The following DPEP2 variants were observed in gnomAD, a reference collection of about 807,000 sequenced individuals.
DPEP2 encodes the protein dipeptidase 2.
DPEP2 carries 45 observed loss-of-function variants against 51.8 expected under a neutral mutation model. The ratio of observed to expected loss-of-function variants is 0.87; its 90% CI spans 0.68 to 1.11. The LOEUF is 1.11. DPEP2 is among the 50% of genes most tolerant of loss of function. The pLI, the probability that DPEP2 is intolerant of heterozygous loss-of-function variation, is 0.00. For missense variants in DPEP2, 604 were observed against 631.9 expected (o/e 0.96, Z 0.47); for synonymous variants, 255 against 262.7 (o/e 0.97, Z 0.28).
At position 67,991,189 on chromosome 16, in the gene DPEP2, AG is replaced by A; in HGVS notation, c.663-6del. 6.2e-7 allele frequency: 1 copy of A among 1,612,562 alleles called. No homozygotes were observed. On this transcript the variant is annotated splice_region_variant and splice_polypyrimidine_tract_variant and intron_variant, in intron 5 of 10. Transcript: ENST00000393847. This position sits in a 1 kb window ranked among gnomAD's most constrained non-coding sequence, Gnocchi z 5.1. The stretch of plus-strand genomic sequence containing the variant: ...CCCTTAGCGGAGCTCTCTGCCCTGC[AG>A]GGTGGCCAGGAAGCAGTCTGACTGG...
At chr16:67,996,193 C>T (rs1034797753) in intron 1 of DPEP2, among the ~76,000 whole-genome samples, 1 of 148,180 alleles carries the variant, frequency 6.7e-6, no homozygotes, top group Non-Finnish European at 1.5e-5. Context: ...CTCGCCACCA[C>T]ACTCGGCTAT....
chr16:67,988,108 G>A lies in DPEP2; in HGVS notation c.1071-121C>T, dbSNP rs1334581155. The A allele has an allele frequency of 4.7e-6, 6 of 1,286,380 alleles. 1 individual carries two copies. The highest frequency in any genetic ancestry group is 2.3e-5 in the Admixed American group (1 of 43,938). The allele number at this position is 1,286,380 out of a possible 1,614,324, so 79.7% of individuals were successfully genotyped here. ...TATGGGAAGTGGAGACTTGGAGAGA[G>A]TAGGTAATTCTCCTCTGCTCTTTAT... On this transcript the variant is annotated intron_variant, in intron 9 of 10. Coordinates refer to ENST00000393847, the MANE Select transcript of DPEP2 (RefSeq NM_022355.4).
chr16:67,993,281 G>T, intron 1 of DPEP2, 24 bp from the exon 2 acceptor site: 1 of 1,378,622 alleles, frequency 7.3e-7, no homozygotes, highest in South Asian at 1.6e-5. Context: ...GCGAGGGGCA[G>T]AGCGCGACGA....
At position 67,991,434 on chromosome 16, in the gene DPEP2, G is replaced by A. The variant is rs2032145461; in HGVS notation, c.663-250C>T. 6.8e-6 allele frequency among the ~76,000 whole-genome samples: 1 copy of A among 146,382 alleles called. No homozygotes were observed. The highest frequency in any genetic ancestry group is 2.1e-4 in the South Asian group (1 of 4,706). ...ACCCAGGCAGGAGTGCAGTGGTGCT[G>A]TCGTGCCATCTCAGCTCACTGAAAC... On this transcript the variant is annotated intron_variant, in intron 5 of 10. Coordinates refer to ENST00000393847, the MANE Select transcript of DPEP2 (RefSeq NM_022355.4). This position sits in a 1 kb window ranked among gnomAD's most constrained non-coding sequence, Gnocchi z 5.1.
Position 67,999,446 on chromosome 16 carries a change from C to G in DPEP2, c.-117G>C. Reference sequence around the variant, plus strand: ...GAACTCAGTGAGACCAAGAACCCACCAATTCCGGACACACTAAGACAAGAT... The same window carrying G: ...GAACTCAGTGAGACCAAGAACCCACGAATTCCGGACACACTAAGACAAGAT... On this transcript the variant is annotated 5_prime_UTR_variant, in exon 1 of 11. Transcript: ENST00000393847. 3 of 990,624 alleles carry G rather than the reference C, an allele frequency of 3.0e-6. No homozygotes were observed. Among genetic ancestry groups the G allele is most frequent in the Non-Finnish European group, 3.6e-6 (3 of 833,990 alleles). The allele number at this position is 990,624 out of a possible 1,614,324, so 61.4% of individuals were successfully genotyped here.
Position 67,987,498 on chromosome 16 carries a change from C to G in DPEP2, c.*8G>C. The G allele has an allele frequency of 6.2e-7, 1 of 1,603,770 alleles. No individual in the cohort carries two copies. ...CTACAGTGACATCTGGCAGGACTAACTGGGTCATCAGAGCCACAGAATAAG... is the reference window on the plus strand; with the variant it reads ...CTACAGTGACATCTGGCAGGACTAAGTGGGTCATCAGAGCCACAGAATAAG... On this transcript the variant is annotated 3_prime_UTR_variant, in exon 11 of 11. Coordinates refer to ENST00000393847, the MANE Select transcript of DPEP2 (RefSeq NM_022355.4).
Position 67,991,453 on chromosome 16 carries a change from C to G in DPEP2, c.663-269G>C, listed in dbSNP as rs73596357. Among the ~76,000 whole-genome samples, 11 of 151,456 alleles carry G rather than the reference C, an allele frequency of 7.3e-5. No homozygotes were observed. The highest frequency in any genetic ancestry group is 5.9e-4 in the Admixed American group (9 of 15,148). Reference sequence around the variant, plus strand: ...GGTGCTGTCGTGCCATCTCAGCTCACTGAAACCTGCACCTCCTGGGTTCAA... The same window carrying G: ...GGTGCTGTCGTGCCATCTCAGCTCAGTGAAACCTGCACCTCCTGGGTTCAA... On this transcript the variant is annotated intron_variant, in intron 5 of 10. Transcript: ENST00000393847. The surrounding 1 kb of genome is among the most constrained non-coding windows in gnomAD (Gnocchi z 5.1).
rs1186601015 is a variant in DPEP2, at chr16:67,991,872, A to G, written c.628T>C (p.Tyr210His). The G allele has an allele frequency of 6.2e-7, 1 of 1,614,158 alleles. No individual in the cohort carries two copies. The highest frequency in any genetic ancestry group is 1.7e-5 in the Admixed American group (1 of 60,014). Residue 210 changes from tyrosine to histidine, a missense_variant, in exon 5 of 11, where the codon TAC becomes CAC. Tyr to His is a moderately conservative substitution (Grantham distance 83, BLOSUM62 2). Coordinates refer to ENST00000393847, the MANE Select transcript of DPEP2 (RefSeq NM_022355.4). The surrounding 1 kb of genome is among the most constrained non-coding windows in gnomAD (Gnocchi z 5.1). The part of the protein sequence containing the change: ...LRTFYMLGVR[Y>H]LTLTHTCNTP... ...TTGCAGGTGTGGGTGAGCGTCAGGT[A>G]GCGCACTCCCAGCATGTAGAAGGTA...
rs1390789344 is a variant in DPEP2 at position 67,990,885 on chromosome 16, T to A, written c.845A>T (p.His282Leu). 1 of 1,614,014 alleles carries A rather than the reference T, an allele frequency of 6.2e-7. No individual in the cohort carries two copies. The highest frequency in any genetic ancestry group is 8.5e-7 in the Non-Finnish European group (1 of 1,180,002). ...GTTGCACACACCCCGGGCAGCCGAG[T>A]GGGAGAAGATCACAGGTGCCTGTGA... ...EVSQAPVIFS[H>L]SAARGVCNSA... The change falls in exon 7 of 11, where the codon CAC becomes CTC. Residue 282 changes from histidine to leucine, a missense_variant. Coordinates refer to ENST00000393847, the MANE Select transcript of DPEP2 (RefSeq NM_022355.4).
Position 67,991,698 on chromosome 16 carries a change from A to C in DPEP2, c.662+140T>G. On this transcript the variant is annotated intron_variant, in intron 5 of 10. Transcript: ENST00000393847. The surrounding 1 kb of genome is among the most constrained non-coding windows in gnomAD (Gnocchi z 5.1). ...TGGCCAGGGGTCAAGTCGTATTCTG[A>C]AAACCAGAATCCCAGCTCCCCTCCC... The C allele has an allele frequency of 7.6e-7, 1 of 1,312,018 alleles. No homozygotes were observed. The highest frequency in any genetic ancestry group is 1.0e-6 in the Non-Finnish European group (1 of 977,680). The allele number at this position is 1,312,018 out of a possible 1,614,324, so 81.3% of individuals were successfully genotyped here. A position where few individuals can be genotyped will look rare whatever the true frequency, so the allele number is the denominator to read the frequency against.
Position 67,990,851 on chromosome 16 carries a change from C to G in DPEP2, c.879G>C (p.Arg293=), listed in dbSNP as rs761644658. ...SAARGVCNSA[R]NVPDDILQLL... is the part of the protein sequence containing the mutation. The stretch of plus-strand genomic sequence containing the variant: ...GCTGCAGGATGTCATCAGGAACATT[C>G]CGAGCACTGTTGCACACACCCCGGG... Residue 293 remains arginine (R), a synonymous_variant, in exon 7 of 11, where the codon CGG becomes CGC. Coordinates refer to ENST00000393847, the MANE Select transcript of DPEP2 (RefSeq NM_022355.4). The G allele has an allele frequency of 1.5e-5, 25 of 1,613,918 alleles. No individual in the cohort carries two copies. The East Asian group carries it at 4.2e-4, about 27-fold the overall frequency.
chr16:67,991,997 A>G lies in DPEP2; in HGVS notation c.521-18T>C, dbSNP rs377225048. 28 of 1,614,094 alleles carry G rather than the reference A, an allele frequency of 1.7e-5. No homozygotes were observed. Among genetic ancestry groups the G allele is most frequent in the Non-Finnish European group, 2.4e-5 (28 of 1,179,940 alleles). ...GTTCAGAGCTGGGGGCAGGTAGGTC[A>G]GGTGATTACTTTCCAGGGCTGGAGT... is the stretch of plus-strand genomic sequence containing the variant. On this transcript the variant is annotated intron_variant, in intron 4 of 10. Coordinates refer to ENST00000393847, the MANE Select transcript of DPEP2 (RefSeq NM_022355.4). The surrounding 1 kb of genome is among the most constrained non-coding windows in gnomAD (Gnocchi z 5.1).
Position 67,991,308 on chromosome 16 carries a change from T to G in DPEP2, c.663-124A>C. On this transcript the variant is annotated intron_variant, in intron 5 of 10. Coordinates refer to ENST00000393847, the MANE Select transcript of DPEP2 (RefSeq NM_022355.4). This position sits in a 1 kb window ranked among gnomAD's most constrained non-coding sequence, Gnocchi z 5.1. The stretch of plus-strand genomic sequence containing the variant: ...AAAAACAGGGATCCAAAATGGGCCC[T>G]GCAAATGGGCCATGCCTGGCAGCAG... The G allele has an allele frequency of 2.2e-6, 2 of 889,608 alleles. No individual in the cohort carries two copies. Among genetic ancestry groups the G allele is most frequent in the South Asian group, 1.6e-5 (1 of 64,354 alleles). 55.1% of individuals were successfully genotyped at this position (889,608 alleles called of 1,614,324 possible).
In DPEP2 at chr16:67,991,179, T is replaced by C; in HGVS notation, c.668A>G (p.Glu223Gly). ...GGAGTGGACGCCCTTAGCGGAGCTCTCTGCCCTGCAGGGTGGCCAGGAAGC... is the reference window on the plus strand; with the variant it reads ...GGAGTGGACGCCCTTAGCGGAGCTCCCTGCCCTGCAGGGTGGCCAGGAAGC... ...LTHTCNTPWA[E>G]SSAKGVHSFY... The change falls in exon 6 of 11, where the codon GAG becomes GGG. Residue 223 changes from glutamate to glycine, a missense_variant. By Grantham distance (98) the Glu-to-Gly change is moderately conservative (BLOSUM62 -2). Transcript: ENST00000393847. This position sits in a 1 kb window ranked among gnomAD's most constrained non-coding sequence, Gnocchi z 5.1. The C allele has an allele frequency of 6.2e-7, 1 of 1,612,972 alleles. No individual in the cohort carries two copies. Among genetic ancestry groups the C allele is most frequent in the Non-Finnish European group, 8.5e-7 (1 of 1,180,026 alleles).
chr16:67,994,516 G>T (rs1325008830), intron 1 of DPEP2: 1 of 985,368 alleles, frequency 1.0e-6, no homozygotes, highest in Non-Finnish European at 1.2e-6. Context: ...CCGGGACTGT[G>T]GCCAAACCCC....
At chr16:67,994,532 C>T in intron 1 of DPEP2, 1 of 985,514 alleles carries the variant, frequency 1.0e-6, no homozygotes, top group Non-Finnish European at 1.2e-6. Flanking sequence ...ACCCCTTCGT[C>T]CTCAGAGACC....
chr16:67,988,138 CAGA>C, intron 9 of DPEP2, 151 bp from the exon 10 acceptor site: 1 of 901,360 alleles, frequency 1.1e-6, no homozygotes, highest in Admixed American at 2.8e-5. Context: ...CTTTATCCTT[CAGA>C]AGGAGGCCTC....
upstream of DPEP2, chr16:67,999,537 G>T (rs2032909846): frequency 3.0e-6 from 3 of 985,224 alleles, no homozygotes; most frequent in Non-Finnish European, 3.6e-6. Flanking sequence ...GTGAGGTTAG[G>T]GGGAGGATAG....
chr16:67,989,704 T>C (rs1009370786), intron 8 of DPEP2, among the ~76,000 whole-genome samples: 1 of 152,144 alleles, frequency 6.6e-6, no homozygotes, highest in African/African-American at 2.4e-5. Context: ...TTTTCTATGG[T>C]TGTGGGAGAT....
Sources: gnomAD v4.1 joint callset for allele counts (sites outside exome capture counted in the v4.1 genomes callset) on GRCh38, gnomAD v4.1.1 for gene constraint, Gnocchi (gnomAD v3.1) non-coding constraint, MANE v1.5 for transcripts, NCBI Gene and HGNC (gene_info 2026-07-23, HGNC 2026-07-21) for gene names.